Variants in IGDCC4 observed in about 807,000 individuals in gnomAD.
The protein encoded by IGDCC4 is likely ortholog of mouse neighbor of Punc E11.
A neutral mutation model predicts 116.6 loss-of-function variants in IGDCC4; 72 were observed. The ratio of observed to expected loss-of-function variants is 0.62; its 90% CI spans 0.51 to 0.75. The LOEUF (loss-of-function observed/expected upper bound fraction) is 0.75, where lower values mean the gene tolerates loss of function less well. Ranked by LOEUF, IGDCC4 falls within the 30% of genes least tolerant of loss-of-function variation. IGDCC4 has a pLI of 0.00. For synonymous variants in IGDCC4, 709 were observed against 719.9 expected, an observed-to-expected ratio of 0.98 and a Z score of 0.24; for missense variants, 1,501 against 1,662.4, an observed-to-expected ratio of 0.90 and a Z score of 1.69.
At chr15:65,420,602 T>A (rs1157194928) in intron 1 of IGDCC4, among the ~76,000 whole-genome samples, 1 of 152,172 alleles carries the variant, frequency 6.6e-6, no homozygotes. Context: ...CCTGTCTTGA[T>A]ACTCCCTGAC....
At chr15:65,419,417 T>C (rs2140245028) in intron 1 of IGDCC4, among the ~76,000 whole-genome samples, 1 of 152,178 alleles carries the variant, frequency 6.6e-6, no homozygotes, top group South Asian at 2.1e-4. Flanking sequence ...AATTGTGAAA[T>C]TGCTTCACTT....
In IGDCC4 at chr15:65,417,301, G is replaced by C. The variant is rs184491265; in HGVS notation, c.70+5492C>G. On this transcript the variant is annotated intron_variant, in intron 1 of 19. Transcript: ENST00000352385. ...GTTGGGACAGTTGCCTGGGACACAA[G>C]GAAGGCCTCAGCTCTCCCTTCATCT... Among the ~76,000 whole-genome samples the C allele has an allele frequency of 1.6e-3, 242 of 152,174 alleles. 1 individual carries two copies. Among genetic ancestry groups the C allele is most frequent in the Non-Finnish European group, 2.6e-3 (176 of 68,006 alleles).
At position 65,389,737 on chromosome 15, in the gene IGDCC4, G is replaced by A. The variant is rs549157806; in HGVS notation, c.2409-326C>T. Among the ~76,000 whole-genome samples the A allele has an allele frequency of 2.0e-5, 3 of 152,256 alleles. No homozygotes were observed. The South Asian group carries it at 6.2e-4, about 32-fold the overall frequency. The stretch of plus-strand genomic sequence containing the variant: ...TGCCTTCATGGCAGTTGTATATATC[G>A]GTTGCTTTTTATGCGACTTTCCTCC... On this transcript the variant is annotated intron_variant, in intron 13 of 19. Transcript: ENST00000352385.
intron 5 of IGDCC4, among the ~76,000 whole-genome samples, chr15:65,398,543 A>G (rs1204479792): frequency 6.6e-6 from 1 of 150,432 alleles, no homozygotes; most frequent in African/African-American, 2.4e-5. Flanking sequence ...CAAAAAAAAA[A>G]AAAAAAAAAA....
At chr15:65,399,493 CG>C (rs1567086714) in intron 5 of IGDCC4, among the ~76,000 whole-genome samples, 1 of 150,936 alleles carries the variant, frequency 6.6e-6, no homozygotes, top group Non-Finnish European at 1.5e-5. Context: ...CACGACTCTC[CG>C]GGGTGAAGAA....
rs201851538 is a variant in IGDCC4, at chr15:65,410,302, G to T, written c.439C>A (p.Leu147Met). 1 of 1,614,066 alleles carries T rather than the reference G, an allele frequency of 6.2e-7. No individual in the cohort carries two copies. The highest frequency in any genetic ancestry group is 1.7e-5 in the Admixed American group (1 of 60,012). Residue 147 changes from leucine to methionine, a missense_variant, in exon 3 of 20, where the codon CTG becomes ATG. Leu to Met is a conservative substitution (Grantham distance 15). Transcript: ENST00000352385. ...TCCACCGTCTGAGACTCCGGGTGCAGAGAGAAGTCTGCGAGTGCTGGGGAC... is the reference window on the plus strand; with the variant it reads ...TCCACCGTCTGAGACTCCGGGTGCATAGAGAAGTCTGCGAGTGCTGGGGAC... ...VKLATLADFS[L>M]HPESQTVEEN...
At chr15:65,422,102 C>T (rs1391209828) in intron 1 of IGDCC4, among the ~76,000 whole-genome samples, 3 of 152,032 alleles carry the variant, frequency 2.0e-5, no homozygotes, top group African/African-American at 7.2e-5. Context: ...TGGTTTCCTG[C>T]CCCCTCCCCC....
At position 65,413,024 on chromosome 15, in the gene IGDCC4, A is replaced by ATGTGTGTGTGTGTGTGTG. The variant is rs59690408; in HGVS notation, c.71-1672_71-1655dup. On this transcript the variant is annotated intron_variant, in intron 1 of 19. Transcript: ENST00000352385. Reference sequence around the variant, plus strand: ...TAAAATGTATTATAAGTGTGAGAAAATGTGTGTGTGTGTGTGTGTGTGTGT... The same window carrying ATGTGTGTGTGTGTGTGTG: ...TAAAATGTATTATAAGTGTGAGAAAATGTGTGTGTGTGTGTGTGTGTGTGTGTGTGTGTGTGTGTGTGT... Among the ~76,000 whole-genome samples the ATGTGTGTGTGTGTGTGTG allele has an allele frequency of 1.5e-3, 214 of 146,052 alleles. 2 individuals are homozygous for ATGTGTGTGTGTGTGTGTG. Among genetic ancestry groups the ATGTGTGTGTGTGTGTGTG allele is most frequent in the African/African-American group, 5.2e-3 (204 of 39,608 alleles).
chr15:65,386,983 G>T (rs559893756), intron 16 of IGDCC4, among the ~76,000 whole-genome samples: 4 of 152,254 alleles, frequency 2.6e-5, no homozygotes, highest in African/African-American at 9.6e-5. Flanking sequence ...TGCTTGGATG[G>T]ACCCCACGCT....
intron 4 of IGDCC4, 51 bp downstream of exon 4, chr15:65,402,300 G>A: frequency 6.5e-7 from 1 of 1,545,204 alleles, no homozygotes; most frequent in Non-Finnish European, 8.7e-7. Flanking sequence ...CAGCTCTGAG[G>A]TGGCTGGTTC....
At chr15:65,395,327 T>A in intron 7 of IGDCC4, 69 bp from the exon 8 acceptor site, 3 of 1,485,150 alleles carry the variant, frequency 2.0e-6, no homozygotes, top group Non-Finnish European at 2.8e-6. Context: ...GGAGTCTGTA[T>A]AGGAATCCTT....
At chr15:65,398,718 A>T (rs111868058) in intron 5 of IGDCC4, among the ~76,000 whole-genome samples, 3 of 151,762 alleles carry the variant, frequency 2.0e-5, no homozygotes, top group Admixed American at 6.6e-5. Context: ...GGTGAAACCC[A>T]GTCTCTACTA....
intron 10 of IGDCC4, 83 bp from the exon 11 acceptor site, chr15:65,392,453 A>G (rs1005254122): frequency 2.6e-4 from 282 of 1,084,302 alleles, no homozygotes; most frequent in Non-Finnish European, 3.5e-4. Context: ...GGAGACAGGG[A>G]AGAGGCATGA....
intron 5 of IGDCC4, among the ~76,000 whole-genome samples, chr15:65,398,141 A>G (rs966240418): frequency 1.3e-5 from 2 of 152,232 alleles, no homozygotes; most frequent in Middle Eastern, 3.2e-3. Context: ...ATACTGGTAC[A>G]TAAACAATTT....
In IGDCC4 at chr15:65,396,972, T is replaced by C; in HGVS notation, c.859A>G (p.Thr287Ala). 1 of 1,581,260 alleles carries C rather than the reference T, an allele frequency of 6.3e-7. No individual in the cohort carries two copies. Among genetic ancestry groups the C allele is most frequent in the African/African-American group, 1.3e-5 (1 of 74,500 alleles). Residue 287 changes from threonine (T) to alanine (A), a missense_variant, in exon 6 of 20, where the codon ACA becomes GCA. Physicochemically the swap from Thr to Ala is moderately conservative, Grantham distance 58. This residue lies in a region of IGDCC4 where 898 missense variants were observed against 978.9 expected (regional missense o/e 0.92). Transcript: ENST00000352385. ...WVRQDGKPIS[T>A]DVIVLGRTNL... ...GTGCGGCCCAGGACGATGACATCTG[T>C]GGAGATGGGCTTCCCGTCTGGGGAA...
rs1473117039 is a variant in IGDCC4, at chr15:65,396,046, C to G, written c.1115G>C (p.Gly372Ala). Reference sequence around the variant, plus strand: ...GCGCCCGTTGGGCCGCAGCGGCGCCCCGTTGTGCAGCCAGCGCAGCGCTGG... The same window carrying G: ...GCGCCCGTTGGGCCGCAGCGGCGCCGCGTTGTGCAGCCAGCGCAGCGCTGG... ...PRPALRWLHN[G>A]APLRPNGRVK... The change falls in exon 7 of 20, where the codon GGG (glycine) becomes GCG (alanine). Residue 372 changes from glycine (G) to alanine (A), a missense_variant. Physicochemically the swap from Gly to Ala is moderately conservative, Grantham distance 60. Coordinates refer to ENST00000352385, the MANE Select transcript of IGDCC4 (RefSeq NM_020962.3). 6.9e-7 allele frequency: 1 copy of G among 1,448,874 alleles called. No homozygotes were observed. The allele number at this position is 1,448,874 out of a possible 1,614,324, so 89.8% of individuals were successfully genotyped here.
intron 17 of IGDCC4, 91 bp downstream of exon 17, chr15:65,386,460 G>T: frequency 9.0e-7 from 1 of 1,107,270 alleles, no homozygotes; most frequent in Non-Finnish European, 1.3e-6. Flanking sequence ...GAGTGCCAAG[G>T]GCAAGTCATG....
At chr15:65,389,525 G>T (rs1053223388) in intron 13 of IGDCC4, 114 bp from the exon 14 acceptor site, 5 of 1,444,734 alleles carry the variant, frequency 3.5e-6, no homozygotes, top group Non-Finnish European at 3.8e-6. Flanking sequence ...ACCCTGGGAA[G>T]GGAAGCTGCT....
intron 5 of IGDCC4, among the ~76,000 whole-genome samples, chr15:65,399,225 C>T (rs150320605): frequency 1.2e-3 from 187 of 152,250 alleles, no homozygotes; most frequent in African/African-American, 4.4e-3. Context: ...AATCCCAGCA[C>T]CTTGGGAGGC....
Sources: gnomAD v4.1 joint callset for allele counts (sites outside exome capture counted in the v4.1 genomes callset) on GRCh38, gnomAD v4.1.1 for gene constraint, gnomAD v4.1.1 regional missense constraint, MANE v1.5 for transcripts, NCBI Gene and HGNC (gene_info 2026-07-23, HGNC 2026-07-21) for gene names.